PCYOX1: variants seen among roughly 807,000 people sequenced by gnomAD.
The protein encoded by PCYOX1 is prenylcysteine oxidase 1, also known as prenylcysteine lyase.
A neutral mutation model predicts 46.4 loss-of-function variants in PCYOX1; 46 were observed. The observed-to-expected ratio is 0.99, with a 90% CI of 0.78 to 1.27. The LOEUF is 1.27. PCYOX1 is among the 50% of genes most tolerant of loss of function. The probability of loss-of-function intolerance (pLI) is 0.00; values close to 1 mark genes in which losing one functional copy is unlikely to be tolerated. For missense variants in PCYOX1, 658 were observed against 628.3 expected (o/e 1.05, Z -0.51); for synonymous variants, 220 against 231.8 (o/e 0.95, Z 0.46).
Position 70,279,597 on chromosome 2 carries a change from C to T in PCYOX1, c.*2205C>T, listed in dbSNP as rs1445928819. On this transcript the variant is annotated 3_prime_UTR_variant, in exon 6 of 6. Transcript: ENST00000433351. ...CCATCCTGGCCAACATGGTGAAACC[C>T]CATCTCTACTGAATACACAAAAATT... 6.6e-6 allele frequency: 1 copy of T among 152,152 alleles called. No homozygotes were observed. The highest frequency in any genetic ancestry group is 1.5e-5 in the Non-Finnish European group (1 of 68,062). 9.4% of individuals were successfully genotyped at this position (152,152 alleles called of 1,614,324 possible). A position where few individuals can be genotyped will look rare whatever the true frequency, so the allele number is the denominator to read the frequency against.
chr2:70,258,062 A>T, upstream of PCYOX1: 1 of 880,584 alleles, frequency 1.1e-6, no homozygotes, highest in Non-Finnish European at 1.6e-6. Context: ...CGGGGCTCGC[A>T]GGGGCTGGGC....
At chr2:70,273,804 C>A (rs943572196) in intron 3 of PCYOX1, among the ~76,000 whole-genome samples, 1 of 152,064 alleles carries the variant, frequency 6.6e-6, no homozygotes, top group Non-Finnish European at 1.5e-5. Flanking sequence ...TGATATTTTT[C>A]TTTTTGGTCA....
rs1696727684 is a variant in PCYOX1 at position 70,279,126 on chromosome 2, C to CA, written c.*1737dup. The CA allele has an allele frequency of 6.6e-6, 1 of 151,998 alleles. No homozygotes were observed. The highest frequency in any genetic ancestry group is 1.5e-5 in the Non-Finnish European group (1 of 67,978). 9.4% of individuals were successfully genotyped at this position (151,998 alleles called of 1,614,324 possible). ...AAATCCTTCCATTGAATAGAAACTT[C>CA]AAAGTCCTTCATCAGATCATGGCAT... On this transcript the variant is annotated 3_prime_UTR_variant, in exon 6 of 6. Coordinates refer to ENST00000433351, the MANE Select transcript of PCYOX1 (RefSeq NM_016297.4).
intron 3 of PCYOX1, among the ~76,000 whole-genome samples, chr2:70,265,289 ACCT>A (rs1468633093): frequency 6.9e-6 from 1 of 144,444 alleles, no homozygotes; most frequent in Non-Finnish European, 1.5e-5. Context: ...TGCAGCTTTG[ACCT>A]CCTGGTCTCA....
chr2:70,263,516 C>T (rs1696469381), intron 3 of PCYOX1, among the ~76,000 whole-genome samples: 2 of 152,084 alleles, frequency 1.3e-5, no homozygotes, highest in African/African-American at 4.8e-5. Context: ...GAGAGACAGG[C>T]AATACACAAC....
In PCYOX1 at chr2:70,280,759, A is replaced by G. The variant is rs1053576268; in HGVS notation, c.*3367A>G. The G allele has an allele frequency of 2.0e-5, 3 of 152,186 alleles. No homozygotes were observed. The highest frequency in any genetic ancestry group is 4.8e-5 in the African/African-American group (2 of 41,438). The allele number at this position is 152,186 out of a possible 1,614,324, so 9.4% of individuals were successfully genotyped here. A position where few individuals can be genotyped will look rare whatever the true frequency, so the allele number is the denominator to read the frequency against. ...TGTTCTTTTGTTGTAAACATTTTCT[A>G]TAATTAGGAAATGCCATTTAAGAGT... On this transcript the variant is annotated 3_prime_UTR_variant, in exon 6 of 6. Transcript: ENST00000433351.
chr2:70,261,683 G>T (rs1051040573), intron 3 of PCYOX1, among the ~76,000 whole-genome samples: 1 of 152,186 alleles, frequency 6.6e-6, no homozygotes, highest in Admixed American at 6.5e-5. Context: ...ACTGTTTTTA[G>T]CTTCTTTAAA....
Position 70,258,266 on chromosome 2 carries a change from A to G in PCYOX1, c.102A>G (p.Pro34=), listed in dbSNP as rs1186396338. 3.8e-6 allele frequency: 6 copies of G among 1,586,166 alleles called. No individual in the cohort carries two copies. Among genetic ancestry groups the G allele is most frequent in the Non-Finnish European group, 5.1e-6 (6 of 1,172,458 alleles). ...CPEGAELRAP[P]DKIAIIGAGI... ...AGGGCGCCGAGCTGCGTGCTCCGCC[A>G]GATAAAATCGGTAGGCGAGAAGGGG... The change falls in exon 1 of 6, where the codon CCA becomes CCG. Residue 34 remains proline, a synonymous_variant. Transcript: ENST00000433351.
intron 1 of PCYOX1, chr2:70,258,523 C>A: frequency 6.6e-6 from 1 of 152,324 alleles, no homozygotes; most frequent in South Asian, 9.5e-5. Context: ...GGGACAGGGG[C>A]GGGCGGGCAG....
chr2:70,259,529 T>G lies in PCYOX1; in HGVS notation c.282T>G (p.Pro94=). ...AGGCAGGAGGTTCTGTCATCCATCC[T>G]TTAAATCTGCACATGAAACGTTTTG... is the stretch of plus-strand genomic sequence containing the variant. ...EYEAGGSVIH[P]LNLHMKRFVK... Residue 94 remains proline (P), a synonymous_variant, in exon 2 of 6, where the codon CCT becomes CCG. Transcript: ENST00000433351. 2 of 1,614,130 alleles carry G rather than the reference T, an allele frequency of 1.2e-6. No homozygotes were observed. The highest frequency in any genetic ancestry group is 1.7e-6 in the Non-Finnish European group (2 of 1,180,016).
Position 70,275,059 on chromosome 2 carries a change from C to G in PCYOX1, c.595C>G (p.Leu199Val), listed in dbSNP as rs1050443770. 8 of 1,613,788 alleles carry G rather than the reference C, an allele frequency of 5.0e-6. No homozygotes were observed. The African/African-American group carries it at 9.3e-5, about 19-fold the overall frequency. The change falls in exon 4 of 6, where the codon CTT becomes GTT. Residue 199 changes from leucine (L) to valine (V), a missense_variant. Coordinates refer to ENST00000433351, the MANE Select transcript of PCYOX1 (RefSeq NM_016297.4). ...CTTCCTTGGAATGCTTAATCGAACA[C>G]TTCTTGAAACCTTGCAAAAGGCCGG... ...DDFLGMLNRT[L>V]LETLQKAGFS...
At chr2:70,264,941 G>A (rs758598941) in intron 3 of PCYOX1, among the ~76,000 whole-genome samples, 45 of 152,040 alleles carry the variant, frequency 3.0e-4, no homozygotes, top group African/African-American at 9.6e-4. Flanking sequence ...CCCAGGAAGC[G>A]GAGGTTGTGG....
In PCYOX1 at chr2:70,258,209, G is replaced by T; in HGVS notation, c.45G>T (p.Leu15Phe). ...VAELVSSLLG[L>F]WLLLCSCGCP... Reference sequence around the variant, plus strand: ...AGCTCGTCTCCTCGCTGCTGGGGTTGTGGCTGTTGCTGTGCAGCTGCGGAT... The same window carrying T: ...AGCTCGTCTCCTCGCTGCTGGGGTTTTGGCTGTTGCTGTGCAGCTGCGGAT... The change falls in exon 1 of 6, where the codon TTG (leucine) becomes TTT (phenylalanine). Residue 15 changes from leucine (L) to phenylalanine (F), a missense_variant. By Grantham distance (22) the Leu-to-Phe change is conservative. Coordinates refer to ENST00000433351, the MANE Select transcript of PCYOX1 (RefSeq NM_016297.4). 1 of 1,599,442 alleles carries T rather than the reference G, an allele frequency of 6.3e-7. No individual in the cohort carries two copies. The highest frequency in any genetic ancestry group is 1.4e-5 in the African/African-American group (1 of 73,486).
upstream of PCYOX1, chr2:70,258,028 GGGGCGGGGCTCGCAGGACCT>G (rs1399338007): frequency 1.2e-4 from 68 of 586,830 alleles, no homozygotes; most frequent in Middle Eastern, 4.8e-4. Flanking sequence ...GGGCGAGGTC[GGGGCGGGGCTCGCAGGACCT>G]GGGCGGGGCT....
At position 70,275,514 on chromosome 2, in the gene PCYOX1, G is replaced by C. The variant is rs1559037720; in HGVS notation, c.707G>C (p.Gly236Ala). ...AACACATTTTTCCTCCTATTGACAG[G>C]GGCGGTGTCACTGTCCTGTTCTGAT... Reference protein sequence around the residue: ...GQSTDINAFVGAVSLSCSDSG... With the variant: ...GQSTDINAFVAAVSLSCSDSG... Residue 236 changes from glycine (G) to alanine (A), a missense_variant and splice_region_variant, in exon 5 of 6, where the codon GGG (glycine) becomes GCG (alanine). Transcript: ENST00000433351. 2 of 1,613,542 alleles carry C rather than the reference G, an allele frequency of 1.2e-6. No individual in the cohort carries two copies. The highest frequency in any genetic ancestry group is 1.7e-6 in the Non-Finnish European group (2 of 1,179,736).
At chr2:70,272,419 G>A (rs1696614660) in intron 3 of PCYOX1, among the ~76,000 whole-genome samples, 1 of 151,768 alleles carries the variant, frequency 6.6e-6, no homozygotes, top group South Asian at 2.1e-4. Context: ...GAACCACTGC[G>A]CCTGGCTAAT....
chr2:70,276,176 C>CT (rs146169632), intron 5 of PCYOX1, among the ~76,000 whole-genome samples: 105 of 141,270 alleles, frequency 7.4e-4, no homozygotes, highest in South Asian at 1.4e-3. Context: ...GAAAAATAAT[C>CT]TTTTTTTTTT....
chr2:70,263,398 C>T (rs1205938495), intron 3 of PCYOX1, among the ~76,000 whole-genome samples: 1 of 152,130 alleles, frequency 6.6e-6, no homozygotes, highest in Non-Finnish European at 1.5e-5. Flanking sequence ...AGTAGCCATT[C>T]ATTCATTCAC....
intron 3 of PCYOX1, among the ~76,000 whole-genome samples, chr2:70,264,212 A>G (rs772193524): frequency 6.0e-5 from 9 of 150,738 alleles, no homozygotes; most frequent in Non-Finnish European, 1.2e-4. Flanking sequence ...TGTTCCACTC[A>G]CCTGGGCCTC....
Sources: gnomAD v4.1 joint callset for allele counts (sites outside exome capture counted in the v4.1 genomes callset) on GRCh38, gnomAD v4.1.1 for gene constraint, MANE v1.5 for transcripts, NCBI Gene and HGNC (gene_info 2026-07-23, HGNC 2026-07-21) for gene names.